Variants in ST18 observed in about 807,000 individuals in gnomAD.
ST18 encodes the protein suppression of tumorigenicity 18 protein.
In ST18, 50 loss-of-function variants were observed where a neutral mutation model predicts 110.0. That is an observed-to-expected ratio of 0.45 (90% CI 0.36 to 0.58). The LOEUF is 0.58. ST18 is among the 20% of genes least tolerant of loss of function. The pLI, the probability that ST18 is intolerant of heterozygous loss-of-function variation, is 0.00. For missense variants in ST18, 1,306 were observed against 1,280.1 expected (o/e 1.02, Z -0.31); for synonymous variants, 461 against 452.4 (o/e 1.02, Z -0.24).
chr8:52,141,788 G>A (rs1187723233), intron 17 of ST18, among the ~76,000 whole-genome samples: 1 of 152,186 alleles, frequency 6.6e-6, no homozygotes, highest in East Asian at 1.9e-4. Context: ...GCCCAGAGTG[G>A]GAGGCTGGGG....
intron 16 of ST18, among the ~76,000 whole-genome samples, chr8:52,146,425 G>C (rs2132279669): frequency 6.6e-6 from 1 of 151,950 alleles, no homozygotes; most frequent in Middle Eastern, 3.4e-3. Flanking sequence ...GCAGTCTCCA[G>C]TTTTTGGTGA....
At chr8:52,160,372 A>AT (rs1414041291) in intron 14 of ST18, among the ~76,000 whole-genome samples, 1 of 152,162 alleles carries the variant, frequency 6.6e-6, no homozygotes, top group African/African-American at 2.4e-5. Flanking sequence ...TGATAGGCAA[A>AT]TTCCTTTCAA....
At chr8:52,283,596 T>G (rs1290064981) in intron 2 of ST18, among the ~76,000 whole-genome samples, 1 of 152,122 alleles carries the variant, frequency 6.6e-6, no homozygotes, top group Non-Finnish European at 1.5e-5. Flanking sequence ...AGTCACCATG[T>G]CAAATCTTGC....
At chr8:52,279,102 A>G (rs2095327775) in intron 2 of ST18, among the ~76,000 whole-genome samples, 1 of 152,222 alleles carries the variant, frequency 6.6e-6, no homozygotes, top group African/African-American at 2.4e-5. Flanking sequence ...TGTCGGACCC[A>G]TAAAGACTGA....
At chr8:52,368,739 A>C (rs1339515444) in intron 2 of ST18, among the ~76,000 whole-genome samples, 20 of 152,230 alleles carry the variant, frequency 1.3e-4, no homozygotes, top group Non-Finnish European at 1.5e-5. Context: ...ATCTAAAAAA[A>C]ATGCCTGAAA....
intron 19 of ST18, 71 bp from the exon 20 acceptor site, chr8:52,133,372 T>C (rs537282991): frequency 1.3e-6 from 2 of 1,556,888 alleles, no homozygotes; most frequent in East Asian, 2.2e-5. Flanking sequence ...ACTCAAGTTA[T>C]TTAGGTTCTT....
At chr8:52,156,163 C>T (rs1344840355) in intron 15 of ST18, among the ~76,000 whole-genome samples, 1 of 152,206 alleles carries the variant, frequency 6.6e-6, no homozygotes, top group African/African-American at 2.4e-5. Flanking sequence ...CAGAGGGTCA[C>T]TTCTTTTCTC....
chr8:52,357,681 ATATATATATATAT>A, intron 2 of ST18, among the ~76,000 whole-genome samples: 2 of 19,030 alleles, frequency 1.1e-4, no homozygotes, highest in African/African-American at 4.1e-4. Context: ...CTATAAATAT[ATATATATATATAT>A]ATATATATAT....
At chr8:52,287,263 C>A (rs1050761238) in intron 2 of ST18, among the ~76,000 whole-genome samples, 1 of 152,216 alleles carries the variant, frequency 6.6e-6, no homozygotes, top group East Asian at 1.9e-4. Flanking sequence ...GTTTTGCAAG[C>A]GTTGCTGAAC....
chr8:52,126,621 A>T lies in ST18; in HGVS notation c.2667-481T>A, dbSNP rs200350418. Among the ~76,000 whole-genome samples, 10 of 152,226 alleles carry T rather than the reference A, an allele frequency of 6.6e-5. No individual in the cohort carries two copies. In the East Asian group the frequency reaches 1.7e-3, roughly 26 times the overall value. Reference sequence around the variant, plus strand: ...GAATGACTCAAATTAATACAAGTCAAAATAAAGCCCTACCCCACGCCCCCA... The same window carrying T: ...GAATGACTCAAATTAATACAAGTCATAATAAAGCCCTACCCCACGCCCCCA... On this transcript the variant is annotated intron_variant, in intron 22 of 25. Transcript: ENST00000689386.
At chr8:52,123,511 C>A (rs2045824249) in intron 23 of ST18, among the ~76,000 whole-genome samples, 1 of 152,172 alleles carries the variant, frequency 6.6e-6, no homozygotes, top group Non-Finnish European at 1.5e-5. Context: ...TCCAGGTGGC[C>A]TTTTTCTCAT....
At chr8:52,171,151 C>A (rs1366048361) in intron 10 of ST18, among the ~76,000 whole-genome samples, 2 of 152,196 alleles carry the variant, frequency 1.3e-5, no homozygotes, top group Non-Finnish European at 2.9e-5. Flanking sequence ...CTAGAAATAG[C>A]ATGAGGCTCA....
rs534100060 is a variant in ST18 at position 52,160,944 on chromosome 8, C to T, written c.1594+431G>A. 5.9e-5 allele frequency among the ~76,000 whole-genome samples: 9 copies of T among 152,206 alleles called. No homozygotes were observed. The South Asian group carries it at 1.9e-3, about 32-fold the overall frequency. Reference sequence around the variant, plus strand: ...TCCACCTTTAGTTTGAATGCTTTTGCTGAGTTAAATAATATTTTAAACAGC... The same window carrying T: ...TCCACCTTTAGTTTGAATGCTTTTGTTGAGTTAAATAATATTTTAAACAGC... On this transcript the variant is annotated intron_variant, in intron 14 of 25. Transcript: ENST00000689386.
At chr8:52,391,458 G>T (rs571088728) in intron 2 of ST18, among the ~76,000 whole-genome samples, 1 of 152,314 alleles carries the variant, frequency 6.6e-6, no homozygotes, top group South Asian at 2.1e-4. Context: ...GAGAATTTCA[G>T]TCGCGCGTCT....
At chr8:52,240,703 T>C (rs890653914) in intron 2 of ST18, among the ~76,000 whole-genome samples, 10 of 152,310 alleles carry the variant, frequency 6.6e-5, no homozygotes, top group African/African-American at 1.9e-4. Flanking sequence ...TTCCCAGAGA[T>C]TTCCTTTCTT....
At chr8:52,281,918 A>G (rs530748828) in intron 2 of ST18, among the ~76,000 whole-genome samples, 9 of 152,218 alleles carry the variant, frequency 5.9e-5, no homozygotes, top group Non-Finnish European at 1.3e-4. Context: ...GGTGAAGGAT[A>G]TAAGACTACA....
At chr8:52,389,596 C>T (rs538921209) in intron 2 of ST18, among the ~76,000 whole-genome samples, 1 of 152,272 alleles carries the variant, frequency 6.6e-6, no homozygotes, top group East Asian at 1.9e-4. Flanking sequence ...TGCCTTGAAT[C>T]GTCACCTGGG....
rs191716782 is a variant in ST18 at position 52,224,496 on chromosome 8, A to G, written c.-418-2703T>C. On this transcript the variant is annotated intron_variant, in intron 3 of 25. Transcript: ENST00000689386. Reference sequence around the variant, plus strand: ...GCACTGAATTTCATTTAAGATGTTTAGGCAAAGACAAACACTCTTCATTGG... The same window carrying G: ...GCACTGAATTTCATTTAAGATGTTTGGGCAAAGACAAACACTCTTCATTGG... 5.0e-3 allele frequency among the ~76,000 whole-genome samples: 764 copies of G among 152,312 alleles called. 12 individuals are homozygous for G. The highest frequency in any genetic ancestry group is 0.023 in the Admixed American group (359 of 15,304).
At chr8:52,133,003 C>G in intron 21 of ST18, 54 bp downstream of exon 21, 1 of 1,595,902 alleles carries the variant, frequency 6.3e-7, no homozygotes, top group Non-Finnish European at 8.6e-7. Context: ...CAAGTTCCCT[C>G]CCATTTTACC....
Sources: allele counts gnomAD v4.1 joint callset (sites outside exome capture counted in the v4.1 genomes callset), GRCh38; gene constraint gnomAD v4.1.1; transcripts MANE v1.5; gene names NCBI Gene and HGNC (gene_info 2026-07-23, HGNC 2026-07-21).